CNTN5: variants seen among roughly 807,000 people sequenced by gnomAD.
CNTN5 encodes contactin 5.
In CNTN5, 77 loss-of-function variants were observed where a neutral mutation model predicts 129.1. The ratio of observed to expected loss-of-function variants is 0.60; its 90% CI spans 0.50 to 0.72. CNTN5 has a LOEUF of 0.72. Ranked by LOEUF, CNTN5 falls within the 30% of genes least tolerant of loss-of-function variation. The pLI is 0.00. For missense variants in CNTN5, 1,478 were observed against 1,328.8 expected (o/e 1.11, Z -1.75); for synonymous variants, 509 against 465.6 (o/e 1.09, Z -1.20).
intron 2 of CNTN5, among the ~76,000 whole-genome samples, chr11:99,416,394 C>T (rs1052446391): frequency 1.3e-5 from 2 of 152,036 alleles, no homozygotes; most frequent in African/African-American, 4.8e-5. Context: ...AATCCTCCTG[C>T]CATAGCCTCC....
chr11:100,021,766 A>T (rs570580552), intron 9 of CNTN5, among the ~76,000 whole-genome samples: 3 of 152,194 alleles, frequency 2.0e-5, no homozygotes, highest in African/African-American at 7.2e-5. Flanking sequence ...CAAGGAAACC[A>T]GTCCAAGTCC....
intron 2 of CNTN5, among the ~76,000 whole-genome samples, chr11:99,491,049 G>T (rs575392990): frequency 1.3e-3 from 194 of 152,244 alleles, no homozygotes; most frequent in African/African-American, 4.6e-3. Flanking sequence ...GCACAGCACG[G>T]ATACACTACT....
chr11:100,154,787 T>G (rs562824279), intron 13 of CNTN5, among the ~76,000 whole-genome samples: 4 of 152,248 alleles, frequency 2.6e-5, no homozygotes, highest in Non-Finnish European at 5.9e-5. Flanking sequence ...TGATGAGCTT[T>G]ATTTCATATG....
chr11:100,262,184 T>C (rs1016931124), intron 17 of CNTN5, among the ~76,000 whole-genome samples: 110 of 152,108 alleles, frequency 7.2e-4, no homozygotes, highest in African/African-American at 1.9e-3. Context: ...AGCCAACAAA[T>C]GTATGAAAAA....
At chr11:99,485,707 A>C (rs995369821) in intron 2 of CNTN5, among the ~76,000 whole-genome samples, 4 of 151,442 alleles carry the variant, frequency 2.6e-5, no homozygotes, top group Non-Finnish European at 5.9e-5. Context: ...GCAAACAGAC[A>C]AAAAAAACCC....
At chr11:99,074,427 C>T (rs1405991214) in intron 1 of CNTN5, among the ~76,000 whole-genome samples, 1 of 152,050 alleles carries the variant, frequency 6.6e-6, no homozygotes, top group Non-Finnish European at 1.5e-5. Flanking sequence ...TAACCTAGAA[C>T]TGTAGAAACC....
chr11:99,660,588 A>G lies in CNTN5; in HGVS notation c.55+104319A>G, dbSNP rs143113169. Among the ~76,000 whole-genome samples, 342 of 152,290 alleles carry G rather than the reference A, an allele frequency of 2.2e-3. 1 individual carries two copies. The highest frequency in any genetic ancestry group is 7.5e-3 in the African/African-American group (311 of 41,578). On this transcript the variant is annotated intron_variant, in intron 3 of 24. Transcript: ENST00000524871. The stretch of plus-strand genomic sequence containing the variant: ...TGAATTAGGGTAGTAACAGGGGATC[A>G]TGGAAAGAAAGAAATGGATTAAGGA...
At chr11:99,892,956 A>G (rs756553271) in intron 6 of CNTN5, among the ~76,000 whole-genome samples, 1 of 152,232 alleles carries the variant, frequency 6.6e-6, no homozygotes, top group Non-Finnish European at 1.5e-5. Flanking sequence ...CTTCCTATCC[A>G]TGAGCATGAA....
chr11:100,251,257 A>G (rs1949957115), intron 16 of CNTN5, among the ~76,000 whole-genome samples: 1 of 152,122 alleles, frequency 6.6e-6, no homozygotes, highest in Non-Finnish European at 1.5e-5. Context: ...ATGCTGGCTG[A>G]AGCTGGAGTC....
chr11:99,114,297 G>T (rs1857936405), intron 1 of CNTN5, among the ~76,000 whole-genome samples: 1 of 151,962 alleles, frequency 6.6e-6, no homozygotes, highest in South Asian at 2.1e-4. Flanking sequence ...TATATCATTC[G>T]AGAGATGTAG....
At chr11:99,528,136 A>G (rs1036091497) in intron 2 of CNTN5, among the ~76,000 whole-genome samples, 1 of 152,206 alleles carries the variant, frequency 6.6e-6, no homozygotes, top group African/African-American at 2.4e-5. Context: ...CTAACCTTGA[A>G]AGATCAAAAT....
Position 99,645,560 on chromosome 11 carries a change from T to C in CNTN5, c.55+89291T>C, listed in dbSNP as rs552637223. ...ACTTGGAACCAACCCAAATGTCCAT[T>C]AATGATAGACTGGATTAAGAAAATG... On this transcript the variant is annotated intron_variant, in intron 3 of 24. Transcript: ENST00000524871. Among the ~76,000 whole-genome samples the C allele has an allele frequency of 1.0e-3, 155 of 152,106 alleles. 1 individual carries two copies. The highest frequency in any genetic ancestry group is 3.5e-3 in the African/African-American group (144 of 41,490).
chr11:99,481,832 A>T (rs1244133751), intron 2 of CNTN5, among the ~76,000 whole-genome samples: 1 of 152,202 alleles, frequency 6.6e-6, no homozygotes, highest in Non-Finnish European at 1.5e-5. Context: ...AGCTAAGCCT[A>T]CCATAGTCAA....
intron 9 of CNTN5, among the ~76,000 whole-genome samples, chr11:100,029,600 G>A (rs1250362639): frequency 6.6e-6 from 1 of 151,822 alleles, no homozygotes; most frequent in African/African-American, 2.4e-5. Flanking sequence ...GAAAAAACAT[G>A]CTAATAGAAT....
chr11:100,001,007 C>T (rs995010839), intron 8 of CNTN5, among the ~76,000 whole-genome samples: 3 of 152,250 alleles, frequency 2.0e-5, no homozygotes, highest in South Asian at 2.1e-4. Context: ...CCCTCCTAGG[C>T]GTCCAGGCCT....
intron 1 of CNTN5, among the ~76,000 whole-genome samples, chr11:99,124,738 A>G (rs920089163): frequency 2.6e-5 from 4 of 151,986 alleles, no homozygotes; most frequent in Non-Finnish European, 4.4e-5. Flanking sequence ...GGGAAAAAAA[A>G]GAGGCATGTT....
intron 2 of CNTN5, among the ~76,000 whole-genome samples, chr11:99,339,739 G>A (rs1018028829): frequency 6.6e-5 from 10 of 151,106 alleles, no homozygotes; most frequent in East Asian, 3.9e-4. Context: ...CTGAGATTGC[G>A]CCACCGCACT....
intron 1 of CNTN5, among the ~76,000 whole-genome samples, chr11:99,297,422 C>T (rs1302407919): frequency 1.3e-5 from 2 of 152,072 alleles, no homozygotes; most frequent in Non-Finnish European, 2.9e-5. Flanking sequence ...CACCCACAGC[C>T]ATCAGCACAG....
At chr11:99,166,943 A>C (rs960425521) in intron 1 of CNTN5, among the ~76,000 whole-genome samples, 2 of 152,144 alleles carry the variant, frequency 1.3e-5, no homozygotes, top group African/African-American at 4.8e-5. Flanking sequence ...TTAAAACATT[A>C]TCCACTACAT....
Sources: gnomAD v4.1 joint callset for allele counts (sites outside exome capture counted in the v4.1 genomes callset) on GRCh38, gnomAD v4.1.1 for gene constraint, MANE v1.5 for transcripts, NCBI Gene and HGNC (gene_info 2026-07-23, HGNC 2026-07-21) for gene names.